The following TMEM221 variants were observed in gnomAD, a reference collection of about 807,000 sequenced individuals.
The protein encoded by TMEM221 is Putative transmembrane protein ENSP00000342162.
A neutral mutation model predicts 10.2 loss-of-function variants in TMEM221; 11 were observed. The observed-to-expected ratio is 1.08, with a 90% CI of 0.68 to 1.79. The LOEUF is 1.79. TMEM221 is among the 40% of genes most tolerant of loss of function. The pLI is 0.00. For synonymous variants in TMEM221, 172 were observed against 199.8 expected (o/e 0.86, Z 1.18); for missense variants, 382 against 417.7 (o/e 0.91, Z 0.75).
At chr19:17,441,376 G>A (rs1372720173) in intron 2 of TMEM221, among the ~76,000 whole-genome samples, 1 of 151,826 alleles carries the variant, frequency 6.6e-6, no homozygotes, top group Non-Finnish European at 1.5e-5. Flanking sequence ...CAACTCTGTG[G>A]CGACCACCAA....
Position 17,436,308 on chromosome 19 carries a change from A to G in TMEM221, c.*150T>C. On this transcript the variant is annotated 3_prime_UTR_variant, in exon 3 of 3. Coordinates refer to ENST00000341130, the MANE Select transcript of TMEM221 (RefSeq NM_001190844.2). ...GGTGAAGGCTGGAGCTCTGGCAATTATTTTGTGCCACGAGGCAACCTTGAG... is the reference window on the plus strand; with the variant it reads ...GGTGAAGGCTGGAGCTCTGGCAATTGTTTTGTGCCACGAGGCAACCTTGAG... 1.4e-6 allele frequency: 1 copy of G among 740,516 alleles called. No individual in the cohort carries two copies. The highest frequency in any genetic ancestry group is 2.1e-6 in the Non-Finnish European group (1 of 481,158). 45.9% of individuals were successfully genotyped at this position (740,516 alleles called of 1,614,324 possible). A position where few individuals can be genotyped will look rare whatever the true frequency, so the allele number is the denominator to read the frequency against.
chr19:17,445,342 G>A (rs1326190900), intron 1 of TMEM221, 58 bp from the exon 2 acceptor site: 4 of 1,424,776 alleles, frequency 2.8e-6, no homozygotes, highest in African/African-American at 1.4e-5. Flanking sequence ...GGTGGGGGGA[G>A]GTCAGTGAGG....
At position 17,436,961 on chromosome 19, in the gene TMEM221, A is replaced by T. The variant is rs1402383264; in HGVS notation, c.407-34T>A. 2.9e-6 allele frequency: 4 copies of T among 1,369,804 alleles called. No homozygotes were observed. In the East Asian group the frequency reaches 1.1e-4, roughly 37 times the overall value. The allele number at this position is 1,369,804 out of a possible 1,614,324, so 84.9% of individuals were successfully genotyped here. A position where few individuals can be genotyped will look rare whatever the true frequency, so the allele number is the denominator to read the frequency against. ...GGAAACGACTCTCATTTATTCAGTC[A>T]ACAAACATTTGCCCTCCAAGCCCTC... On this transcript the variant is annotated intron_variant, in intron 2 of 2. Coordinates refer to ENST00000341130, the MANE Select transcript of TMEM221 (RefSeq NM_001190844.2).
chr19:17,440,902 T>C (rs2074929363), intron 2 of TMEM221, among the ~76,000 whole-genome samples: 1 of 151,888 alleles, frequency 6.6e-6, no homozygotes, highest in African/African-American at 2.4e-5. Flanking sequence ...AGTTAGCCAA[T>C]GTGAATAAGA....
At chr19:17,446,880 C>T (rs991823930) in intron 1 of TMEM221, among the ~76,000 whole-genome samples, 10 of 152,026 alleles carry the variant, frequency 6.6e-5, no homozygotes, top group South Asian at 2.1e-4. Context: ...TACAGGCATG[C>T]ACCACCACAC....
At chr19:17,444,407 C>T (rs1000964632) in intron 2 of TMEM221, among the ~76,000 whole-genome samples, 1 of 151,322 alleles carries the variant, frequency 6.6e-6, no homozygotes, top group African/African-American at 2.4e-5. Flanking sequence ...AGACACCACG[C>T]AGGCCATGAA....
chr19:17,436,730 A>G lies in TMEM221; in HGVS notation c.604T>C (p.Ser202Pro). The G allele has an allele frequency of 6.5e-7, 1 of 1,527,972 alleles. No individual in the cohort carries two copies. 94.7% of individuals were successfully genotyped at this position (1,527,972 alleles called of 1,614,324 possible). Residue 202 changes from serine to proline, a missense_variant, in exon 3 of 3, where the codon TCC becomes CCC. By Grantham distance (74) the Ser-to-Pro change is moderately conservative. Transcript: ENST00000341130. ...EDDLARPAEV[S>P]KASPRAQPQQ... ...GGCTGAGCTCTGGGGCTGGCCTTGG[A>G]GACTTCGGCAGGGCGGGCGAGGTCG...
At chr19:17,445,831 C>T (rs2074951133) in intron 1 of TMEM221, among the ~76,000 whole-genome samples, 1 of 151,940 alleles carries the variant, frequency 6.6e-6, no homozygotes, top group African/African-American at 2.4e-5. Flanking sequence ...CTCATTCATT[C>T]ATCCATCCAC....
intron 1 of TMEM221, among the ~76,000 whole-genome samples, chr19:17,446,923 G>A (rs1341291465): frequency 6.6e-6 from 1 of 151,886 alleles, no homozygotes; most frequent in Non-Finnish European, 1.5e-5. Flanking sequence ...TTTTGTAGAG[G>A]CAAGGTCTTG....
chr19:17,442,424 A>G (rs1599619047), intron 2 of TMEM221, among the ~76,000 whole-genome samples: 1 of 143,938 alleles, frequency 6.9e-6, no homozygotes, highest in Admixed American at 7.3e-5. Context: ...ATGCCTGGCT[A>G]ATTTCTTTCT....
chr19:17,440,151 C>T (rs2074926003), intron 2 of TMEM221, among the ~76,000 whole-genome samples: 1 of 151,864 alleles, frequency 6.6e-6, no homozygotes, highest in South Asian at 2.1e-4. Flanking sequence ...CACACCACTG[C>T]ACTCCAGCCT....
At chr19:17,440,461 G>A (rs1020451168) in intron 2 of TMEM221, among the ~76,000 whole-genome samples, 1 of 152,004 alleles carries the variant, frequency 6.6e-6, no homozygotes, top group African/African-American at 2.4e-5. Context: ...TCCTGACCTC[G>A]TGATCTGCCC....
intron 1 of TMEM221, 28 bp from the exon 2 acceptor site, chr19:17,445,312 AG>A (rs2074948619): frequency 2.0e-6 from 3 of 1,520,342 alleles, no homozygotes; most frequent in Non-Finnish European, 2.6e-6. Context: ...AGGAAGATAA[AG>A]GGTTCAGGAA....
rs1599621934 is a variant in TMEM221, at chr19:17,448,531, G to C, written c.-69C>G. On this transcript the variant is annotated 5_prime_UTR_variant, in exon 1 of 3. Coordinates refer to ENST00000341130, the MANE Select transcript of TMEM221 (RefSeq NM_001190844.2). This position sits in a 1 kb window ranked among gnomAD's most constrained non-coding sequence, Gnocchi z 4.7. ...GTGGTTTTAGAGGGCAGGGGAGTTG[G>C]GGGGAATCCGAGGGTCCTCAGGGGG... 1 of 1,292,552 alleles carries C rather than the reference G, an allele frequency of 7.7e-7. No individual in the cohort carries two copies. 80.1% of individuals were successfully genotyped at this position (1,292,552 alleles called of 1,614,324 possible). A position where few individuals can be genotyped will look rare whatever the true frequency, so the allele number is the denominator to read the frequency against.
chr19:17,439,221 A>AAG (rs2074922109), intron 2 of TMEM221, among the ~76,000 whole-genome samples: 1 of 150,558 alleles, frequency 6.6e-6, no homozygotes, highest in East Asian at 2.0e-4. Flanking sequence ...AAAAAAAAAA[A>AAG]GCCTCCCTGT....
intron 1 of TMEM221, among the ~76,000 whole-genome samples, chr19:17,446,399 TGAGTTTC>T (rs2074953469): frequency 6.6e-6 from 1 of 152,140 alleles, no homozygotes; most frequent in Non-Finnish European, 1.5e-5. Flanking sequence ...ATGAGGAAAC[TGAGTTTC>T]ACATGCTGTT....
intron 2 of TMEM221, among the ~76,000 whole-genome samples, chr19:17,441,371 CTG>C (rs1372587839): frequency 2.6e-5 from 4 of 152,088 alleles, no homozygotes; most frequent in Middle Eastern, 3.4e-3. Flanking sequence ...ACCCTCAACT[CTG>C]TGGCGACCAC....
chr19:17,442,795 AC>A (rs1470382853), intron 2 of TMEM221, among the ~76,000 whole-genome samples: 1 of 151,756 alleles, frequency 6.6e-6, no homozygotes, highest in African/African-American at 2.4e-5. Flanking sequence ...CCTGAAGCCA[AC>A]TTCCCCTGAC....
At position 17,438,141 on chromosome 19, in the gene TMEM221, C is replaced by G. The variant is rs2074917308; in HGVS notation, c.407-1214G>C. 2.0e-5 allele frequency among the ~76,000 whole-genome samples: 3 copies of G among 148,852 alleles called. No homozygotes were observed. The South Asian group carries it at 6.4e-4, about 32-fold the overall frequency. On this transcript the variant is annotated intron_variant, in intron 2 of 2. Transcript: ENST00000341130. ...TCTTGCTCTGTCACCCAGGCTGGAG[C>G]ACAGTGGTGTGACCTCTGTTCACTG...
Sources: allele counts gnomAD v4.1 joint callset (sites outside exome capture counted in the v4.1 genomes callset), GRCh38; gene constraint gnomAD v4.1.1; non-coding constraint Gnocchi (gnomAD v3.1); transcripts MANE v1.5; gene names NCBI Gene and HGNC (gene_info 2026-07-23, HGNC 2026-07-21).